RARB: variants seen among roughly 807,000 people sequenced by gnomAD.
RARB encodes the protein retinoic acid receptor beta.
A neutral mutation model predicts 51.9 loss-of-function variants in RARB; 17 were observed. The ratio of observed to expected loss-of-function variants is 0.33; its 90% confidence interval spans 0.22 to 0.49. The LOEUF is 0.49. Among genes scored for constraint, RARB ranks in the 20% least tolerant of loss-of-function variants. The pLI is 0.99. For missense variants in RARB, 369 were observed against 550.8 expected, an observed-to-expected ratio of 0.67 and a Z score of 3.30; for synonymous variants, 215 against 195.4, an observed-to-expected ratio of 1.10 and a Z score of -0.84.
At chr3:25,033,157 T>C (rs1307864463) in intron 2 of RARB, among the ~76,000 whole-genome samples, 1 of 152,234 alleles carries the variant, frequency 6.6e-6, no homozygotes, top group African/African-American at 2.4e-5. Flanking sequence ...TTAATGATTC[T>C]ATTTCCTTTA....
At chr3:24,972,574 T>C (rs1261204935) in intron 2 of RARB, among the ~76,000 whole-genome samples, 1 of 151,988 alleles carries the variant, frequency 6.6e-6, no homozygotes, top group Non-Finnish European at 1.5e-5. Context: ...TACAGTTTTC[T>C]ATAGTGGCTA....
chr3:25,559,633 G>T (rs1337464423), intron 3 of RARB, among the ~76,000 whole-genome samples: 3 of 152,334 alleles, frequency 2.0e-5, no homozygotes, highest in Middle Eastern at 6.8e-3. Context: ...AGCAGAAGAA[G>T]AAATAAATAG....
intron 2 of RARB, among the ~76,000 whole-genome samples, chr3:24,881,923 T>A (rs1040843468): frequency 1.3e-5 from 2 of 152,164 alleles, no homozygotes; most frequent in Non-Finnish European, 2.9e-5. Context: ...CCAAAAATAT[T>A]GACTCAATTT....
intron 3 of RARB, among the ~76,000 whole-genome samples, chr3:25,086,977 AG>A (rs981320365): frequency 6.6e-6 from 1 of 152,202 alleles, no homozygotes; most frequent in Non-Finnish European, 1.5e-5. Flanking sequence ...TGGAAAGGGA[AG>A]GGGATTCTCT....
intron 5 of RARB, among the ~76,000 whole-genome samples, chr3:25,231,515 A>G (rs1702175650): frequency 6.6e-6 from 1 of 152,238 alleles, no homozygotes; most frequent in East Asian, 1.9e-4. Context: ...CTTTTAGGTT[A>G]CTCCTCTAAG....
rs549938270 is a variant in RARB, at chr3:25,040,497, C to T, written c.-379-19628C>T. Among the ~76,000 whole-genome samples the T allele has an allele frequency of 4.6e-5, 7 of 152,254 alleles. No individual in the cohort carries two copies. In the East Asian group the frequency reaches 7.7e-4, roughly 17 times the overall value. On this transcript the variant is annotated intron_variant, in intron 2 of 11. Transcript: ENST00000383772. ...CCTGTGATCTCAGCACTTTGGGAGGCCTAGGTCGGCAGATCGCTTGAGGAC... is the reference window on the plus strand; with the variant it reads ...CCTGTGATCTCAGCACTTTGGGAGGTCTAGGTCGGCAGATCGCTTGAGGAC...
At chr3:25,229,089 C>T (rs1702120043) in intron 5 of RARB, among the ~76,000 whole-genome samples, 1 of 152,088 alleles carries the variant, frequency 6.6e-6, no homozygotes, top group South Asian at 2.1e-4. Context: ...GCTAACTTAC[C>T]TTCAGAAAGA....
intron 2 of RARB, among the ~76,000 whole-genome samples, chr3:24,981,576 T>C (rs1250074577): frequency 2.0e-5 from 3 of 152,096 alleles, no homozygotes; most frequent in Non-Finnish European, 2.9e-5. Context: ...TCTGTGGATG[T>C]GGGACCCACC....
intron 5 of RARB, among the ~76,000 whole-genome samples, chr3:25,212,897 G>T (rs963811640): frequency 1.3e-5 from 2 of 152,108 alleles, no homozygotes; most frequent in Non-Finnish European, 2.9e-5. Context: ...ATTACCAAAG[G>T]TCGCTCACTT....
chr3:25,072,834 G>A (rs551192538), intron 3 of RARB, among the ~76,000 whole-genome samples: 4 of 151,806 alleles, frequency 2.6e-5, no homozygotes, highest in South Asian at 2.1e-4. Flanking sequence ...TCAGCCTGCC[G>A]AGTAGCTGGG....
chr3:25,150,870 T>C (rs1392412687), intron 4 of RARB, among the ~76,000 whole-genome samples: 2 of 152,164 alleles, frequency 1.3e-5, no homozygotes, highest in African/African-American at 4.8e-5. Flanking sequence ...GACAACGGTG[T>C]GCATGGGAAT....
intron 4 of RARB, among the ~76,000 whole-genome samples, chr3:25,159,705 G>A (rs145760704): frequency 1.4e-4 from 22 of 152,074 alleles, no homozygotes; most frequent in Non-Finnish European, 1.3e-4. Context: ...CAACAAAAAG[G>A]GGGGCAGGTC....
chr3:25,081,232 T>C (rs1698988144), intron 3 of RARB, among the ~76,000 whole-genome samples: 2 of 152,062 alleles, frequency 1.3e-5, no homozygotes, highest in Admixed American at 1.3e-4. Flanking sequence ...CAAGTATCTT[T>C]TCACTGTTGG....
chr3:24,888,169 C>T (rs1371492553), intron 2 of RARB, among the ~76,000 whole-genome samples: 2 of 152,068 alleles, frequency 1.3e-5, no homozygotes, highest in Non-Finnish European at 2.9e-5. Flanking sequence ...ATCCTGAAAC[C>T]CAAAGATGGG....
At chr3:25,526,391 A>G (rs924019582) in intron 3 of RARB, among the ~76,000 whole-genome samples, 7 of 152,206 alleles carry the variant, frequency 4.6e-5, no homozygotes, top group African/African-American at 1.7e-4. Flanking sequence ...GAGTGACATG[A>G]TCACATTTGC....
At chr3:25,281,446 A>G (rs1328756591) in intron 5 of RARB, among the ~76,000 whole-genome samples, 3 of 152,174 alleles carry the variant, frequency 2.0e-5, no homozygotes, top group African/African-American at 7.2e-5. Context: ...CAAATTAAGG[A>G]GATTACTTTG....
At position 25,039,575 on chromosome 3, in the gene RARB, C is replaced by A. The variant is rs193251452; in HGVS notation, c.-379-20550C>A. ...TGGGGCATGGGCATAACCGATCACA[C>A]TGTGGATTATGTTGTTAAAATTGTA... On this transcript the variant is annotated intron_variant, in intron 2 of 11. Transcript: ENST00000383772. 2.3e-3 allele frequency among the ~76,000 whole-genome samples: 352 copies of A among 152,226 alleles called. 1 individual carries two copies. Among genetic ancestry groups the A allele is most frequent in the Admixed American group, 4.8e-3 (74 of 15,284 alleles).
intron 5 of RARB, among the ~76,000 whole-genome samples, chr3:25,389,213 C>T (rs1387758372): frequency 1.3e-5 from 2 of 152,160 alleles, no homozygotes; most frequent in African/African-American, 4.8e-5. Flanking sequence ...GATTGGGTGA[C>T]ACATCAGGTC....
In RARB at chr3:25,597,664, A is replaced by T. The variant is rs1031368132; in HGVS notation, c.*1048A>T. The T allele has an allele frequency of 6.6e-6, 1 of 152,318 alleles. No homozygotes were observed. Among genetic ancestry groups the T allele is most frequent in the South Asian group, 2.1e-4 (1 of 4,808 alleles). The allele number at this position is 152,318 out of a possible 1,614,324, so 9.4% of individuals were successfully genotyped here. On this transcript the variant is annotated 3_prime_UTR_variant, in exon 8 of 8. Coordinates refer to ENST00000330688, the MANE Select transcript of RARB (RefSeq NM_000965.5). ...CAACTCCCAAAGAAACAGGCATAGA[A>T]TCTGCCTCCTTTGACCTTGTTCAAT...
Sources: allele counts gnomAD v4.1 joint callset (sites outside exome capture counted in the v4.1 genomes callset), GRCh38; gene constraint gnomAD v4.1.1; transcripts MANE v1.5; gene names NCBI Gene and HGNC (gene_info 2026-07-23, HGNC 2026-07-21).